DPP8: variants seen among roughly 807,000 people sequenced by gnomAD.
The protein encoded by DPP8 is dipeptidyl peptidase 8, also known as DPP VIII.
DPP8 carries 31 observed loss-of-function variants against 107.5 expected under a neutral mutation model. The ratio of observed to expected loss-of-function variants is 0.29; its 90% confidence interval spans 0.22 to 0.39. The LOEUF (loss-of-function observed/expected upper bound fraction) is 0.39, where lower values mean the gene tolerates loss of function less well. Among genes scored for constraint, DPP8 ranks in the 10% least tolerant of loss-of-function variants. The pLI, the probability that DPP8 is intolerant of heterozygous loss-of-function variation, is 1.00. For missense variants in DPP8, 842 were observed against 1,076.1 expected, an observed-to-expected ratio of 0.78 and a Z score of 3.04; for synonymous variants, 381 against 356.6, an observed-to-expected ratio of 1.07 and a Z score of -0.77.
chr15:65,517,505 G>C lies in DPP8; in HGVS notation c.-31C>G, dbSNP rs1249249521. On this transcript the variant is annotated 5_prime_UTR_variant, in exon 1 of 20. Transcript: ENST00000300141. ...CTGCACCTTCCCCCCGGCCCCGCCC[G>C]GACCGTCCCGACGTGCGCTATGGAG... The C allele has an allele frequency of 6.6e-6, 1 of 152,534 alleles. No individual in the cohort carries two copies. Among genetic ancestry groups the C allele is most frequent in the Non-Finnish European group, 1.5e-5 (1 of 68,282 alleles). The allele number at this position is 152,534 out of a possible 1,614,324, so 9.4% of individuals were successfully genotyped here.
intron 5 of DPP8, among the ~76,000 whole-genome samples, chr15:65,495,728 G>A (rs540207520): frequency 1.2e-4 from 18 of 151,628 alleles, no homozygotes; most frequent in Non-Finnish European, 2.1e-4. Flanking sequence ...GTGAAACCCC[G>A]TCTCTACTAA....
chr15:65,473,986 C>A (rs534545458), intron 12 of DPP8, among the ~76,000 whole-genome samples: 6 of 152,212 alleles, frequency 3.9e-5, no homozygotes, highest in African/African-American at 1.4e-4. Flanking sequence ...TGCCTGTAAT[C>A]CCAGCTACTT....
chr15:65,509,958 T>C (rs1214590646), intron 2 of DPP8, among the ~76,000 whole-genome samples: 1 of 143,064 alleles, frequency 7.0e-6, no homozygotes, highest in Admixed American at 6.9e-5. Context: ...GAGGTGGAGG[T>C]TGCAGTTAGC....
At chr15:65,505,525 G>T (rs1196556294) in intron 3 of DPP8, among the ~76,000 whole-genome samples, 2 of 152,024 alleles carry the variant, frequency 1.3e-5, no homozygotes, top group Non-Finnish European at 1.5e-5. Flanking sequence ...AAACAGTTTT[G>T]CCAATTTTTC....
At chr15:65,503,826 T>C (rs1375986974) in intron 3 of DPP8, among the ~76,000 whole-genome samples, 1 of 151,924 alleles carries the variant, frequency 6.6e-6, no homozygotes, top group Non-Finnish European at 1.5e-5. Flanking sequence ...GGTTTCACCA[T>C]GTTGGCCAGA....
chr15:65,470,368 G>A (rs2065769936), intron 12 of DPP8, among the ~76,000 whole-genome samples: 1 of 151,948 alleles, frequency 6.6e-6, no homozygotes, highest in Non-Finnish European at 1.5e-5. Flanking sequence ...TACTTTGGGA[G>A]GCTGAGGTGG....
At position 65,478,933 on chromosome 15, in the gene DPP8, G is replaced by A. The variant is rs1450538764; in HGVS notation, c.1403C>T (p.Ser468Phe). Residue 468 changes from serine to phenylalanine, a missense_variant, in exon 11 of 20, where the codon TCT becomes TTT. Coordinates refer to ENST00000300141, the MANE Select transcript of DPP8 (RefSeq NM_130434.5). The stretch of plus-strand genomic sequence containing the variant: ...TTTATATTTGCTTTCCTTTAAAATA[G>A]ATGTAATTTTGTATAAATGACGGAA... ...TGFRHLYKIT[S>F]ILKESKYKRS... The A allele has an allele frequency of 6.3e-7, 1 of 1,593,458 alleles. No individual in the cohort carries two copies. The highest frequency in any genetic ancestry group is 1.2e-5 in the South Asian group (1 of 86,668).
At chr15:65,470,388 G>A (rs984858169) in intron 12 of DPP8, among the ~76,000 whole-genome samples, 1 of 148,802 alleles carries the variant, frequency 6.7e-6, no homozygotes, top group African/African-American at 2.5e-5. Flanking sequence ...GGCAGATCAC[G>A]TGAGGTCAGG....
intron 19 of DPP8, among the ~76,000 whole-genome samples, chr15:65,449,698 C>T (rs564710408): frequency 2.6e-5 from 4 of 152,258 alleles, no homozygotes; most frequent in African/African-American, 9.6e-5. Flanking sequence ...GCGTGAGCCA[C>T]TGCGACCGGC....
intron 2 of DPP8, 115 bp from the exon 3 acceptor site, chr15:65,507,470 T>C: frequency 1.7e-6 from 1 of 582,376 alleles, no homozygotes; most frequent in South Asian, 2.3e-5. Context: ...CTCTATGGGA[T>C]ATATAATGAA....
chr15:65,455,660 A>G (rs2140374595), intron 16 of DPP8: 1 of 1,186,974 alleles, frequency 8.4e-7, no homozygotes, highest in Middle Eastern at 2.4e-4. Context: ...TTACATGAGA[A>G]TACAACATAA....
intron 4 of DPP8, among the ~76,000 whole-genome samples, chr15:65,500,031 G>C (rs1320766921): frequency 6.6e-6 from 1 of 152,106 alleles, no homozygotes; most frequent in Non-Finnish European, 1.5e-5. Context: ...GAGTATCTGG[G>C]ATTAAAGGTG....
intron 16 of DPP8, chr15:65,455,490 C>T (rs1409663276): frequency 1.3e-5 from 3 of 237,662 alleles, no homozygotes; most frequent in Non-Finnish European, 2.3e-5. Context: ...TCTTGAGGCC[C>T]TGTCTTCTTA....
chr15:65,500,403 A>G (rs1016805691), intron 4 of DPP8, among the ~76,000 whole-genome samples: 2 of 151,724 alleles, frequency 1.3e-5, no homozygotes, highest in Admixed American at 6.6e-5. Flanking sequence ...GGGCAACAAC[A>G]GTGAAATTCT....
chr15:65,471,630 G>C (rs1377044330), intron 12 of DPP8, among the ~76,000 whole-genome samples: 1 of 151,684 alleles, frequency 6.6e-6, no homozygotes, highest in African/African-American at 2.4e-5. Context: ...GCAATTACAG[G>C]TATGCCCCAC....
At position 65,454,273 on chromosome 15, in the gene DPP8, T is replaced by C. The variant is rs1444990254; in HGVS notation, c.2261A>G (p.Asp754Gly). The C allele has an allele frequency of 6.5e-7, 1 of 1,547,544 alleles. No homozygotes were observed. Among genetic ancestry groups the C allele is most frequent in the Non-Finnish European group, 8.6e-7 (1 of 1,156,480 alleles). ...LSLMALMQRS[D>G]IFRVAIAGAP... ...TAGGAAGTCACATACCCTGAAGATA[T>C]CTGACCTCTGCATTAATGCCATCAG... The change falls in exon 17 of 20, where the codon GAT (aspartate) becomes GGT (glycine). Residue 754 changes from aspartate to glycine, a missense_variant. Coordinates refer to ENST00000300141, the MANE Select transcript of DPP8 (RefSeq NM_130434.5).
chr15:65,493,564 G>T (rs2068260221), intron 5 of DPP8, among the ~76,000 whole-genome samples: 1 of 152,118 alleles, frequency 6.6e-6, no homozygotes, highest in East Asian at 1.9e-4. Flanking sequence ...AGGTGTTACT[G>T]CCAAATGAAT....
chr15:65,511,211 A>G (rs986061017), intron 2 of DPP8, among the ~76,000 whole-genome samples: 1 of 152,316 alleles, frequency 6.6e-6, no homozygotes, highest in African/African-American at 2.4e-5. Flanking sequence ...CCTAAATGCC[A>G]TTACTGGAGG....
In DPP8 at chr15:65,451,056, T is replaced by G; in HGVS notation, c.2469A>C (p.Ala823=). The G allele has an allele frequency of 6.2e-7, 1 of 1,613,134 alleles. No homozygotes were observed. The highest frequency in any genetic ancestry group is 8.5e-7 in the Non-Finnish European group (1 of 1,179,450). Residue 823 remains alanine (A), a synonymous_variant, in exon 19 of 20, where the codon GCA becomes GCC. Coordinates refer to ENST00000300141, the MANE Select transcript of DPP8 (RefSeq NM_130434.5). The part of the protein sequence containing the change: ...HGFLDENVHF[A]HTSILLSFLV... ...AAAAACTCAGTAATATACTGGTATGTGCAAAATGGACATTCTCATCCAGGA... is the reference window on the plus strand; with the variant it reads ...AAAAACTCAGTAATATACTGGTATGGGCAAAATGGACATTCTCATCCAGGA...
Sources: gnomAD v4.1 joint callset for allele counts (sites outside exome capture counted in the v4.1 genomes callset) on GRCh38, gnomAD v4.1.1 for gene constraint, MANE v1.5 for transcripts, NCBI Gene and HGNC (gene_info 2026-07-23, HGNC 2026-07-21) for gene names.